MEGF11: variants seen among roughly 807,000 people sequenced by gnomAD.
The protein encoded by MEGF11 is multiple epidermal growth factor-like domains protein 11.
Under a neutral mutation model 146.6 loss-of-function variants are expected in MEGF11, and 126 were observed. The ratio of observed to expected loss-of-function variants is 0.86; its 90% confidence interval spans 0.74 to 1.00. MEGF11 has a LOEUF of 1.00. MEGF11 is among the 50% of genes least tolerant of loss of function. MEGF11 has a pLI of 0.00. For synonymous variants in MEGF11, 532 were observed against 583.4 expected, an observed-to-expected ratio of 0.91 and a Z score of 1.27; for missense variants, 1,509 against 1,521.2, an observed-to-expected ratio of 0.99 and a Z score of 0.13.
At chr15:65,956,887 AG>A (rs748387271) in intron 10 of MEGF11, among the ~76,000 whole-genome samples, 10 of 152,268 alleles carry the variant, frequency 6.6e-5, no homozygotes, top group Non-Finnish European at 1.3e-4. Flanking sequence ...ATTCTGAAAT[AG>A]GTACATTCAT....
chr15:66,193,810 T>A (rs2090941197), intron 1 of MEGF11, among the ~76,000 whole-genome samples: 1 of 152,062 alleles, frequency 6.6e-6, no homozygotes, highest in Non-Finnish European at 1.5e-5. Flanking sequence ...TATTATATTA[T>A]TCTGTTATAA....
intron 4 of MEGF11, among the ~76,000 whole-genome samples, chr15:66,113,887 A>C (rs2087579645): frequency 6.6e-6 from 1 of 151,994 alleles, no homozygotes; most frequent in Non-Finnish European, 1.5e-5. Flanking sequence ...TCTCAAAAAA[A>C]AAAAAGAAAA....
intron 10 of MEGF11, among the ~76,000 whole-genome samples, chr15:65,932,143 G>A (rs150846816): frequency 1.9e-3 from 283 of 152,344 alleles, no homozygotes; most frequent in African/African-American, 6.4e-3. Flanking sequence ...CACAGTTACA[G>A]TAACTTCTGC....
chr15:66,186,988 A>G (rs1022387824), intron 1 of MEGF11, among the ~76,000 whole-genome samples: 1 of 152,222 alleles, frequency 6.6e-6, no homozygotes, highest in Non-Finnish European at 1.5e-5. Context: ...CCTCAGGTGC[A>G]TTATTTAACC....
At chr15:66,213,155 AC>A (rs1265263340) in intron 1 of MEGF11, among the ~76,000 whole-genome samples, 1 of 152,154 alleles carries the variant, frequency 6.6e-6, no homozygotes, top group Admixed American at 6.5e-5. Context: ...CAAATCTGCC[AC>A]CTCATCCTCT....
At chr15:66,113,209 A>C (rs1233503648) in intron 4 of MEGF11, among the ~76,000 whole-genome samples, 1 of 152,004 alleles carries the variant, frequency 6.6e-6, no homozygotes, top group African/African-American at 2.4e-5. Flanking sequence ...CACCATGTGC[A>C]GACCACCTCC....
chr15:66,015,133 C>A (rs549935325), intron 5 of MEGF11, among the ~76,000 whole-genome samples: 1 of 152,200 alleles, frequency 6.6e-6, no homozygotes, highest in Non-Finnish European at 1.5e-5. Flanking sequence ...CACAACAGCA[C>A]GGCACACAGT....
intron 1 of MEGF11, among the ~76,000 whole-genome samples, chr15:66,169,648 G>A (rs984511991): frequency 4.6e-5 from 7 of 152,244 alleles, no homozygotes; most frequent in South Asian, 2.1e-4. Context: ...AAGATGCCAC[G>A]TCCTTGGTTC....
chr15:66,200,130 C>T (rs1458129430), intron 1 of MEGF11, among the ~76,000 whole-genome samples: 1 of 152,192 alleles, frequency 6.6e-6, no homozygotes, highest in East Asian at 1.9e-4. Flanking sequence ...AAAATGTTGC[C>T]AGAAGCTTTG....
intron 5 of MEGF11, among the ~76,000 whole-genome samples, chr15:66,085,865 C>T (rs938313756): frequency 1.3e-5 from 2 of 152,098 alleles, no homozygotes; most frequent in Admixed American, 6.5e-5. Flanking sequence ...GGTTATTAAG[C>T]TAATCAGGGA....
At chr15:65,992,148 T>C (rs1178038636) in intron 5 of MEGF11, among the ~76,000 whole-genome samples, 5 of 152,166 alleles carry the variant, frequency 3.3e-5, no homozygotes, top group African/African-American at 1.2e-4. Context: ...AGGCAGTTGC[T>C]CCAGCTCATT....
chr15:65,928,399 G>C, intron 13 of MEGF11, 26 bp downstream of exon 13: 2 of 1,530,424 alleles, frequency 1.3e-6, no homozygotes, highest in East Asian at 2.3e-5. Flanking sequence ...CAGTACCTGG[G>C]TGGTGGCACA....
chr15:65,957,495 G>A, intron 10 of MEGF11, 52 bp downstream of exon 10: 6 of 1,553,644 alleles, frequency 3.9e-6, no homozygotes, highest in Middle Eastern at 2.2e-4. Flanking sequence ...GAGGTGAGGG[G>A]AACTGGCCCG....
At chr15:66,077,498 C>G (rs960557802) in intron 5 of MEGF11, among the ~76,000 whole-genome samples, 16 of 152,164 alleles carry the variant, frequency 1.1e-4, no homozygotes, top group African/African-American at 3.9e-4. Flanking sequence ...AAGCATCCAA[C>G]CCAGAGCCCC....
chr15:66,145,220 C>T (rs1322371081), intron 1 of MEGF11, among the ~76,000 whole-genome samples: 2 of 152,170 alleles, frequency 1.3e-5, no homozygotes, highest in Non-Finnish European at 2.9e-5. Context: ...CCCTCTCCCT[C>T]TTCTAATGAT....
At chr15:66,103,422 CAG>C (rs1012519502) in intron 4 of MEGF11, among the ~76,000 whole-genome samples, 2 of 152,146 alleles carry the variant, frequency 1.3e-5, no homozygotes, top group African/African-American at 4.8e-5. Flanking sequence ...TTCTGAGACA[CAG>C]AGAATTGTCT....
intron 24 of MEGF11, chr15:65,901,967 T>C (rs537382745): frequency 6.6e-6 from 1 of 152,002 alleles, no homozygotes; most frequent in South Asian, 2.1e-4. Flanking sequence ...CCAATCAAGA[T>C]GTTTTCCCTC....
intron 6 of MEGF11, among the ~76,000 whole-genome samples, 199 bp from the exon 7 acceptor site, chr15:65,981,097 G>C (rs984358165): frequency 6.6e-6 from 1 of 152,218 alleles, no homozygotes; most frequent in Non-Finnish European, 1.5e-5. Flanking sequence ...TAGGGTGCTT[G>C]GGCCAATACT....
intron 21 of MEGF11, among the ~76,000 whole-genome samples, chr15:65,911,816 G>C (rs1383549744): frequency 6.6e-6 from 1 of 152,218 alleles, no homozygotes; most frequent in East Asian, 1.9e-4. Flanking sequence ...GGTACCAGTT[G>C]GTTACACACA....
Sources: gnomAD v4.1 joint callset for allele counts (sites outside exome capture counted in the v4.1 genomes callset) on GRCh38, gnomAD v4.1.1 for gene constraint, MANE v1.5 for transcripts, NCBI Gene and HGNC (gene_info 2026-07-23, HGNC 2026-07-21) for gene names.